The following INPP4B variants were observed in gnomAD, a reference collection of about 807,000 sequenced individuals.
INPP4B encodes inositol polyphosphate-4-phosphatase type II B, also known as inositol polyphosphate 4-phosphatase type II.
INPP4B carries 55 observed loss-of-function variants against 122.5 expected under a neutral mutation model. The observed-to-expected ratio is 0.45, with a 90% confidence interval of 0.36 to 0.56. INPP4B has a LOEUF of 0.56. Among genes scored for constraint, INPP4B ranks in the 20% least tolerant of loss-of-function variants. The pLI is 0.00. For missense variants in INPP4B, 1,000 were observed against 1,097.7 expected, an observed-to-expected ratio of 0.91 and a Z score of 1.26; for synonymous variants, 403 against 388.7, an observed-to-expected ratio of 1.04 and a Z score of -0.43.
In INPP4B at chr4:142,208,400, T is replaced by C. The variant is rs1158755358; in HGVS notation, c.1072+25A>G. 2.3e-6 allele frequency: 3 copies of C among 1,306,976 alleles called. 1 individual carries two copies. The South Asian group carries it at 4.0e-5, about 17-fold the overall frequency. The allele number at this position is 1,306,976 out of a possible 1,614,324, so 81.0% of individuals were successfully genotyped here. ...GTACACACTGTAACATAATTTGCTATTTTTAAAAGAATAATTTATGATACC... is the reference window on the plus strand; with the variant it reads ...GTACACACTGTAACATAATTTGCTACTTTTAAAAGAATAATTTATGATACC... On this transcript the variant is annotated intron_variant, in intron 14 of 25. Coordinates refer to ENST00000262992, the MANE Select transcript of INPP4B (RefSeq NM_001101669.3).
At chr4:142,235,458 G>A (rs1027515650) in intron 12 of INPP4B, among the ~76,000 whole-genome samples, 1 of 152,060 alleles carries the variant, frequency 6.6e-6, no homozygotes, top group Non-Finnish European at 1.5e-5. Flanking sequence ...GTCTCGCTCT[G>A]TCGCCGAGGC....
intron 16 of INPP4B, among the ~76,000 whole-genome samples, chr4:142,172,576 G>A (rs1227469584): frequency 2.0e-5 from 3 of 151,816 alleles, no homozygotes; most frequent in African/African-American, 7.3e-5. Context: ...CAATTCACTC[G>A]AACTTTCTGA....
At chr4:142,508,650 T>C (rs938542809) in intron 2 of INPP4B, among the ~76,000 whole-genome samples, 1 of 152,218 alleles carries the variant, frequency 6.6e-6, no homozygotes, top group African/African-American at 2.4e-5. Context: ...CACTTTATAG[T>C]GTTTCAACCA....
intron 2 of INPP4B, among the ~76,000 whole-genome samples, chr4:142,571,653 T>C (rs780428292): frequency 2.0e-5 from 3 of 152,152 alleles, no homozygotes; most frequent in Non-Finnish European, 2.9e-5. Flanking sequence ...CATCTATCTA[T>C]AGACTGGAAA....
chr4:142,061,965 A>G (rs912177861), intron 25 of INPP4B, among the ~76,000 whole-genome samples: 1 of 149,822 alleles, frequency 6.7e-6, no homozygotes, highest in Non-Finnish European at 1.5e-5. Flanking sequence ...CTCCAAAGCA[A>G]GTAAAAGTAA....
chr4:142,687,529 T>C (rs1759519190), intron 2 of INPP4B, among the ~76,000 whole-genome samples: 1 of 144,492 alleles, frequency 6.9e-6, no homozygotes, highest in African/African-American at 2.6e-5. Flanking sequence ...GGCCACTAAT[T>C]TTTTTTTTCT....
intron 7 of INPP4B, among the ~76,000 whole-genome samples, chr4:142,390,671 T>C (rs1434095602): frequency 6.6e-6 from 1 of 152,198 alleles, no homozygotes; most frequent in African/African-American, 2.4e-5. Context: ...ATGTTATCAA[T>C]ATCTTCCAAA....
intron 2 of INPP4B, among the ~76,000 whole-genome samples, chr4:142,676,354 G>C (rs188912747): frequency 6.6e-6 from 1 of 151,948 alleles, no homozygotes; most frequent in South Asian, 2.1e-4. Flanking sequence ...GGACACAAAC[G>C]AATGGAAAAA....
rs142514156 is a variant in INPP4B at position 142,143,825 on chromosome 4, C to T, written c.1720+2015G>A. On this transcript the variant is annotated intron_variant, in intron 18 of 25. Coordinates refer to ENST00000262992, the MANE Select transcript of INPP4B (RefSeq NM_001101669.3). ...ATAATGGCTTCTATTTTGATGAATT[C>T]GTTTACAGTCATTATAATACGCGTT... Among the ~76,000 whole-genome samples, 197 of 151,902 alleles carry T rather than the reference C, an allele frequency of 1.3e-3. No homozygotes were observed. In the East Asian group the frequency reaches 0.03, roughly 23 times the overall value.
At chr4:142,361,500 T>G (rs1199218228) in intron 7 of INPP4B, among the ~76,000 whole-genome samples, 1 of 151,994 alleles carries the variant, frequency 6.6e-6, no homozygotes, top group African/African-American at 2.4e-5. Flanking sequence ...TAGTTAGATT[T>G]AGCTATCAGA....
intron 2 of INPP4B, among the ~76,000 whole-genome samples, chr4:142,528,444 C>A (rs1030178748): frequency 4.6e-5 from 7 of 152,052 alleles, no homozygotes; most frequent in Non-Finnish European, 8.8e-5. Context: ...TCCTTGCTGC[C>A]TATTGGCTGG....
intron 2 of INPP4B, among the ~76,000 whole-genome samples, chr4:142,471,354 C>T (rs1007783209): frequency 2.6e-5 from 4 of 152,150 alleles, no homozygotes; most frequent in Non-Finnish European, 2.9e-5. Flanking sequence ...AATGCAAATA[C>T]GTCAATGTGT....
intron 17 of INPP4B, among the ~76,000 whole-genome samples, chr4:142,154,965 T>C (rs754062860): frequency 2.0e-5 from 3 of 151,816 alleles, no homozygotes; most frequent in African/African-American, 2.4e-5. Flanking sequence ...TATGTGCTCC[T>C]GTAATATAAG....
intron 17 of INPP4B, among the ~76,000 whole-genome samples, chr4:142,150,948 A>T (rs1813579231): frequency 6.6e-6 from 1 of 152,216 alleles, no homozygotes. Flanking sequence ...GCTGATATAG[A>T]TGTACAAAAT....
intron 23 of INPP4B, among the ~76,000 whole-genome samples, chr4:142,092,353 T>TGACCTCGGCTCACTGC (rs1779946763): frequency 7.1e-6 from 1 of 140,916 alleles, no homozygotes; most frequent in Admixed American, 7.1e-5. Context: ...TGCAGTGGTG[T>TGACCTCGGCTCACTGC]GACCTCGGCT....
chr4:142,783,247 A>G (rs535372881), intron 1 of INPP4B, among the ~76,000 whole-genome samples: 1 of 152,068 alleles, frequency 6.6e-6, no homozygotes, highest in East Asian at 1.9e-4. Flanking sequence ...ATGGGAGAAA[A>G]TTTTTGCAAT....
intron 14 of INPP4B, among the ~76,000 whole-genome samples, chr4:142,197,543 C>T (rs2149406656): frequency 6.6e-6 from 1 of 152,188 alleles, no homozygotes; most frequent in Non-Finnish European, 1.5e-5. Context: ...AAAATTGTTA[C>T]AATTGCTTTA....
At chr4:142,071,807 C>T (rs552517728) in intron 25 of INPP4B, among the ~76,000 whole-genome samples, 1 of 152,004 alleles carries the variant, frequency 6.6e-6, no homozygotes, top group African/African-American at 2.4e-5. Context: ...ACACCAGTTA[C>T]AATGGCAATC....
chr4:142,259,822 G>A (rs1021626442), intron 11 of INPP4B, among the ~76,000 whole-genome samples: 4 of 151,574 alleles, frequency 2.6e-5, no homozygotes, highest in South Asian at 2.1e-4. Flanking sequence ...GTTAAAAACT[G>A]AGACAAAAAC....
Sources: gnomAD v4.1 joint callset for allele counts (sites outside exome capture counted in the v4.1 genomes callset) on GRCh38, gnomAD v4.1.1 for gene constraint, MANE v1.5 for transcripts, NCBI Gene and HGNC (gene_info 2026-07-23, HGNC 2026-07-21) for gene names.